PELP1: variants seen among roughly 807,000 people sequenced by gnomAD.
The protein encoded by PELP1 is proline, glutamate and leucine rich protein 1.
In PELP1, 32 loss-of-function variants were observed where a neutral mutation model predicts 95.5. The ratio of observed to expected loss-of-function variants is 0.34; its 90% CI spans 0.25 to 0.45. PELP1 has a LOEUF of 0.45. Ranked by LOEUF, PELP1 falls within the 20% of genes least tolerant of loss-of-function variation. The probability of loss-of-function intolerance (pLI) is 1.00; values close to 1 mark genes in which losing one functional copy is unlikely to be tolerated. For synonymous variants in PELP1, 668 were observed against 600.1 expected, an observed-to-expected ratio of 1.11 and a Z score of -1.65; for missense variants, 1,358 against 1,444.8, an observed-to-expected ratio of 0.94 and a Z score of 0.97.
chr17:4,681,308 T>C (rs1427826268), intron 5 of PELP1, among the ~76,000 whole-genome samples: 1 of 151,812 alleles, frequency 6.6e-6, no homozygotes, highest in Non-Finnish European at 1.5e-5. Context: ...AACATAGTGA[T>C]ACCTCGTCTC....
At chr17:4,702,810 G>T (rs1465052643) in intron 1 of PELP1, among the ~76,000 whole-genome samples, 2 of 152,176 alleles carry the variant, frequency 1.3e-5, no homozygotes, top group Admixed American at 1.3e-4. Context: ...GGGAGGTTTA[G>T]TGGGAGAGAA....
intron 3 of PELP1, among the ~76,000 whole-genome samples, chr17:4,690,187 C>T (rs1389291921): frequency 1.3e-5 from 2 of 152,122 alleles, no homozygotes; most frequent in African/African-American, 4.8e-5. Flanking sequence ...AAAAACCAAA[C>T]ATCGTATGTT....
At chr17:4,700,788 G>T (rs1913492279) in intron 1 of PELP1, among the ~76,000 whole-genome samples, 1 of 151,618 alleles carries the variant, frequency 6.6e-6, no homozygotes, top group Admixed American at 6.6e-5. Context: ...TTAGCCAGGG[G>T]TGGTGGCACA....
chr17:4,701,703 TAACTA>T (rs1315903768), intron 1 of PELP1, among the ~76,000 whole-genome samples: 1 of 152,212 alleles, frequency 6.6e-6, no homozygotes, highest in Non-Finnish European at 1.5e-5. Context: ...TTTCTCATCT[TAACTA>T]GACTAGAAAT....
intron 3 of PELP1, among the ~76,000 whole-genome samples, chr17:4,687,223 C>T (rs1912936577): frequency 6.6e-6 from 1 of 152,146 alleles, no homozygotes; most frequent in African/African-American, 2.4e-5. Context: ...CAGTTTATCA[C>T]TTCACATTCA....
intron 1 of PELP1, among the ~76,000 whole-genome samples, chr17:4,693,526 G>C (rs138281421): frequency 4.8e-4 from 73 of 152,304 alleles, no homozygotes; most frequent in African/African-American, 1.7e-3. Context: ...TAATATGCCA[G>C]CATCTCTACT....
rs779781770 is a variant in PELP1 at position 4,682,579 on chromosome 17, G to A, written c.571-6C>T. Reference sequence around the variant, plus strand: ...TCCAATGCTGACTGCTCACACTGTAGGAAAAACAAAGGGAGAAACGAGAGG... The same window carrying A: ...TCCAATGCTGACTGCTCACACTGTAAGAAAAACAAAGGGAGAAACGAGAGG... On this transcript the variant is annotated splice_region_variant and splice_polypyrimidine_tract_variant and intron_variant, in intron 4 of 16. Coordinates refer to ENST00000572293, the MANE Select transcript of PELP1 (RefSeq NM_014389.3). 8 of 1,610,068 alleles carry A rather than the reference G, an allele frequency of 5.0e-6. No individual in the cohort carries two copies. Among genetic ancestry groups the A allele is most frequent in the Non-Finnish European group, 6.0e-6 (7 of 1,176,336 alleles).
In PELP1 at chr17:4,703,868, C is replaced by T. The variant is rs764130448; in HGVS notation, c.244G>A (p.Ala82Thr). The T allele has an allele frequency of 5.6e-6, 9 of 1,610,260 alleles. No individual in the cohort carries two copies. The highest frequency in any genetic ancestry group is 3.4e-5 in the Admixed American group (2 of 59,652). Residue 82 changes from alanine (A) to threonine (T), a missense_variant, in exon 1 of 17, where the codon GCC becomes ACC. Around this residue, in one of 7 missense-constraint regions of PELP1, gnomAD observed 169 missense variants for 134.9 expected, o/e 1.25. Coordinates refer to ENST00000572293, the MANE Select transcript of PELP1 (RefSeq NM_014389.3). The part of the protein sequence containing the change: ...LLRLHGSVGG[A>T]QNLSALGALV... The stretch of plus-strand genomic sequence containing the variant: ...CACGCGGGCCACGGACTCACCTGGG[C>T]CCCGCCCACCGACCCATGCAGCCGC...
chr17:4,693,602 A>T (rs1392649660), intron 1 of PELP1, among the ~76,000 whole-genome samples: 1 of 152,212 alleles, frequency 6.6e-6, no homozygotes, highest in African/African-American at 2.4e-5. Flanking sequence ...CAATACCGCC[A>T]CAGTGGATCT....
intron 5 of PELP1, among the ~76,000 whole-genome samples, chr17:4,678,839 TC>T (rs1912595613): frequency 6.6e-6 from 1 of 152,142 alleles, no homozygotes; most frequent in South Asian, 2.1e-4. Context: ...CCTGAGAGTA[TC>T]CGGGGAATGT....
rs754658068 is a variant in PELP1 at position 4,672,865 on chromosome 17, A to C, written c.2126T>G (p.Leu709Arg). Reference sequence around the variant, plus strand: ...CACTAGGCCTGGGACAGAAAGGCCTAGGTGGTTGGCTGTGGTGGGAGGTCC... The same window carrying C: ...CACTAGGCCTGGGACAGAAAGGCCTCGGTGGTTGGCTGTGGTGGGAGGTCC... ...RPGPPTTANH[L>R]GLSVPGLVSV... The change falls in exon 16 of 17, where the codon CTA becomes CGA. Residue 709 changes from leucine to arginine, a missense_variant. By Grantham distance (102) the Leu-to-Arg change is moderately radical. Around this residue, in one of 7 missense-constraint regions of PELP1, gnomAD observed 340 missense variants for 322.9 expected, o/e 1.05. Coordinates refer to ENST00000572293, the MANE Select transcript of PELP1 (RefSeq NM_014389.3). The C allele has an allele frequency of 5.6e-6, 9 of 1,613,894 alleles. No individual in the cohort carries two copies. Among genetic ancestry groups the C allele is most frequent in the African/African-American group, 1.3e-5 (1 of 75,026 alleles).
At chr17:4,700,869 C>A (rs1407852439) in intron 1 of PELP1, among the ~76,000 whole-genome samples, 5 of 149,008 alleles carry the variant, frequency 3.4e-5, no homozygotes, top group Non-Finnish European at 1.5e-5. Context: ...AGGCCAAGGC[C>A]GCAGTGAGCC....
chr17:4,674,522 C>T lies in PELP1; in HGVS notation c.1570G>A (p.Ala524Thr). 6.2e-7 allele frequency: 1 copy of T among 1,612,940 alleles called. No homozygotes were observed. The highest frequency in any genetic ancestry group is 1.7e-4 in the Middle Eastern group (1 of 5,978). ...AGGCCTCACCCACCTCTGAGTGCAG[C>T]CGCACACACGTCGCTGTTGGCATTG... ...DSNANSDVCAAALRGLSRTIL... is the reference protein window; with the variant it reads ...DSNANSDVCATALRGLSRTIL... The change falls in exon 13 of 17, where the codon GCT becomes ACT. Residue 524 changes from alanine (A) to threonine (T), a missense_variant. Ala to Thr is a moderately conservative substitution (Grantham distance 58). Around this residue, in one of 7 missense-constraint regions of PELP1, gnomAD observed 538 missense variants for 628.1 expected, o/e 0.86. Transcript: ENST00000572293.
At chr17:4,677,596 G>T (rs1193023270) in intron 5 of PELP1, among the ~76,000 whole-genome samples, 2 of 152,118 alleles carry the variant, frequency 1.3e-5, no homozygotes, top group African/African-American at 2.4e-5. Context: ...TATAGTCGTT[G>T]TAAGACCTGC....
At position 4,674,498 on chromosome 17, in the gene PELP1, G is replaced by A; in HGVS notation, c.1582+12C>T. 1.2e-6 allele frequency: 2 copies of A among 1,610,820 alleles called. No homozygotes were observed. Among genetic ancestry groups the A allele is most frequent in the Non-Finnish European group, 1.7e-6 (2 of 1,178,746 alleles). ...TTGAGCCCCAGTGGTCCAGGGCACA[G>A]GCCTCACCCACCTCTGAGTGCAGCC... On this transcript the variant is annotated intron_variant, in intron 13 of 16. Coordinates refer to ENST00000572293, the MANE Select transcript of PELP1 (RefSeq NM_014389.3).
intron 1 of PELP1, among the ~76,000 whole-genome samples, chr17:4,694,773 C>G (rs537723376): frequency 8.1e-4 from 123 of 151,482 alleles, no homozygotes; most frequent in African/African-American, 2.9e-3. Context: ...GAGTTCAAGA[C>G]CAGCCTGGCC....
chr17:4,680,260 C>T (rs1034815173), intron 5 of PELP1, among the ~76,000 whole-genome samples: 21 of 152,168 alleles, frequency 1.4e-4, no homozygotes, highest in Non-Finnish European at 2.2e-4. Context: ...GCTTTGGTCA[C>T]AGAACCACAT....
At chr17:4,687,467 C>A (rs1912946613) in intron 3 of PELP1, among the ~76,000 whole-genome samples, 1 of 146,726 alleles carries the variant, frequency 6.8e-6, no homozygotes, top group African/African-American at 2.5e-5. Context: ...CCACTGCACT[C>A]CAGCCTAGGC....
chr17:4,671,820 C>T lies in PELP1; in HGVS notation c.3171G>A (p.Glu1057=). ...GPPPQELVEE[E]PSAPPTLLEE... is the part of the protein sequence containing the mutation. ...CCAACAGGGTTGGGGGAGCAGAGGG[C>T]TCTTCTTCAACAAGCTCCTGGGGAG... Residue 1057 remains glutamate, a synonymous_variant, in exon 16 of 17, where the codon GAG becomes GAA. Coordinates refer to ENST00000572293, the MANE Select transcript of PELP1 (RefSeq NM_014389.3). The T allele has an allele frequency of 6.6e-7, 1 of 1,512,536 alleles. No individual in the cohort carries two copies. Among genetic ancestry groups the T allele is most frequent in the Non-Finnish European group, 8.8e-7 (1 of 1,134,550 alleles). 93.7% of individuals were successfully genotyped at this position (1,512,536 alleles called of 1,614,324 possible). A position where few individuals can be genotyped will look rare whatever the true frequency, so the allele number is the denominator to read the frequency against.
Sources: allele counts gnomAD v4.1 joint callset (sites outside exome capture counted in the v4.1 genomes callset), GRCh38; gene constraint gnomAD v4.1.1; regional missense constraint gnomAD v4.1.1; transcripts MANE v1.5; gene names NCBI Gene and HGNC (gene_info 2026-07-23, HGNC 2026-07-21).